COL5A3: variants seen among roughly 807,000 people sequenced by gnomAD.
COL5A3 encodes the protein collagen type V alpha 3 chain.
Under a neutral mutation model 250.0 loss-of-function variants are expected in COL5A3, and 172 were observed. The ratio of observed to expected loss-of-function variants is 0.69; its 90% CI spans 0.61 to 0.78. The LOEUF (loss-of-function observed/expected upper bound fraction) is 0.78, where lower values mean the gene tolerates loss of function less well. Ranked by LOEUF, COL5A3 falls within the 30% of genes least tolerant of loss-of-function variation. COL5A3 has a pLI of 0.00. For missense variants in COL5A3, 2,340 were observed against 2,334.4 expected (o/e 1.00, Z -0.05); for synonymous variants, 937 against 900.4 (o/e 1.04, Z -0.73).
chr19:9,991,035 G>C lies in COL5A3; in HGVS notation c.1992+575C>G, dbSNP rs528191689. On this transcript the variant is annotated intron_variant, in intron 24 of 66. Coordinates refer to ENST00000264828, the MANE Select transcript of COL5A3 (RefSeq NM_015719.4). Reference sequence around the variant, plus strand: ...AGCCCAGGAGTTCAAGACCAGCCTGGGCAACACAGGCAGACCCCATCTCTA... The same window carrying C: ...AGCCCAGGAGTTCAAGACCAGCCTGCGCAACACAGGCAGACCCCATCTCTA... Among the ~76,000 whole-genome samples the C allele has an allele frequency of 5.9e-5, 9 of 152,170 alleles. No homozygotes were observed. In the East Asian group the frequency reaches 1.5e-3, roughly 26 times the overall value.
rs376769534 is a variant in COL5A3, at chr19:9,960,480, C to T, written c.5169G>A (p.Ala1723=). The T allele has an allele frequency of 8.1e-6, 13 of 1,613,974 alleles. No homozygotes were observed. The African/African-American group carries it at 9.3e-5, about 12-fold the overall frequency. The part of the protein sequence containing the change: ...RAGFLPLWDV[A]ATDFGQTNQK... Reference sequence around the variant, plus strand: ...GGTTCGTCTGGCCAAAGTCAGTGGCCGCCACATCCCACAGGGGCAGAAATC... The same window carrying T: ...GGTTCGTCTGGCCAAAGTCAGTGGCTGCCACATCCCACAGGGGCAGAAATC... The change falls in exon 67 of 67, where the codon GCG becomes GCA. Residue 1723 remains alanine (A), a synonymous_variant. Coordinates refer to ENST00000264828, the MANE Select transcript of COL5A3 (RefSeq NM_015719.4).
At position 9,969,656 on chromosome 19, in the gene COL5A3, T is replaced by C; in HGVS notation, c.4017A>G (p.Pro1339=). 1 of 1,588,392 alleles carries C rather than the reference T, an allele frequency of 6.3e-7. No homozygotes were observed. The highest frequency in any genetic ancestry group is 1.2e-5 in the South Asian group (1 of 86,870). Residue 1339 remains proline, a synonymous_variant, in exon 56 of 67, where the codon CCA becomes CCG. Transcript: ENST00000264828. ...TAGCCCCCATTGGACCCGTCCTCCCTGGGGGCCCATCAGGACCTGGCTCCC... is the reference window on the plus strand; with the variant it reads ...TAGCCCCCATTGGACCCGTCCTCCCCGGGGGCCCATCAGGACCTGGCTCCC... ...AKGEPGPDGP[P]GRTGPMGARG...
rs182957276 is a variant in COL5A3, at chr19:10,009,058, A to G, written c.88+1240T>C. On this transcript the variant is annotated intron_variant, in intron 1 of 66. Transcript: ENST00000264828. This position sits in a 1 kb window ranked among gnomAD's most constrained non-coding sequence, Gnocchi z 4.4. ...ATTCAGAGTGGATGCCTAAGATTCCATGACCATGTGGATGTGTGAGCGTGG... is the reference window on the plus strand; with the variant it reads ...ATTCAGAGTGGATGCCTAAGATTCCGTGACCATGTGGATGTGTGAGCGTGG... Among the ~76,000 whole-genome samples the G allele has an allele frequency of 3.3e-4, 50 of 152,128 alleles. No individual in the cohort carries two copies. The highest frequency in any genetic ancestry group is 3.4e-3 in the Middle Eastern group (1 of 294).
chr19:9,995,483 C>T (rs1280215540), intron 16 of COL5A3, 81 bp downstream of exon 16: 2 of 1,301,870 alleles, frequency 1.5e-6, no homozygotes, highest in Non-Finnish European at 1.1e-6. Flanking sequence ...CACCAGCAGA[C>T]CCCAAGGTCA....
chr19:9,992,724 C>G, intron 21 of COL5A3, 103 bp downstream of exon 21: 1 of 1,174,342 alleles, frequency 8.5e-7, no homozygotes, highest in Non-Finnish European at 1.2e-6. Context: ...TTGCAGAGAG[C>G]TGAGATCTCG....
At position 9,972,968 on chromosome 19, in the gene COL5A3, G is replaced by A. The variant is rs748555285; in HGVS notation, c.3725C>T (p.Pro1242Leu). Reference sequence around the variant, plus strand: ...TCCAGGGGGACCTTTCTTGCCTGGGGGTCCAGCAGCTCCAGATGGGCCTGA... The same window carrying A: ...TCCAGGGGGACCTTTCTTGCCTGGGAGTCCAGCAGCTCCAGATGGGCCTGA... ...GDSGPSGAAG[P>L]PGKKGPPGED... The change falls in exon 51 of 67, where the codon CCC (proline) becomes CTC (leucine). Residue 1242 changes from proline (P) to leucine (L), a missense_variant. Pro to Leu is a moderately conservative substitution (Grantham distance 98). Around this residue, in one of 3 missense-constraint regions of COL5A3, gnomAD observed 1,179 missense variants for 1,162.6 expected, o/e 1.01. Transcript: ENST00000264828. 3.1e-6 allele frequency: 5 copies of A among 1,611,994 alleles called. No homozygotes were observed. Among genetic ancestry groups the A allele is most frequent in the East Asian group, 4.5e-5 (2 of 44,858 alleles).
chr19:9,980,568 C>G (rs572964722), intron 35 of COL5A3, 80 bp downstream of exon 35: 1 of 1,548,786 alleles, frequency 6.5e-7, no homozygotes, highest in Non-Finnish European at 8.7e-7. Context: ...CTCTTCATCT[C>G]TTGGGTTTGT....
chr19:9,991,474 C>T, intron 24 of COL5A3, 136 bp downstream of exon 24: 5 of 691,480 alleles, frequency 7.2e-6, no homozygotes, highest in Non-Finnish European at 9.5e-6. Context: ...CTTTGTATCT[C>T]CGGGCTGGCT....
At chr19:9,999,567 A>C (rs1425350758) in intron 8 of COL5A3, among the ~76,000 whole-genome samples, 1 of 142,542 alleles carries the variant, frequency 7.0e-6, no homozygotes, top group South Asian at 2.2e-4. Flanking sequence ...TCCCGGGTTC[A>C]CGCCATTCTG....
chr19:9,994,122 A>G (rs927538112), intron 16 of COL5A3, among the ~76,000 whole-genome samples: 2 of 152,110 alleles, frequency 1.3e-5, no homozygotes, highest in Admixed American at 1.3e-4. Flanking sequence ...CAGCCTCCCA[A>G]ACTGCTGGGA....
Position 9,970,617 on chromosome 19 carries a change from C to G in COL5A3, c.3936+5G>C, listed in dbSNP as rs943232298. ...TGAGGACCCAGGAGGTGGCTTATCA[C>G]TTACCCTCTTGCCGGGGGGCCCGGG... On this transcript the variant is annotated splice_donor_5th_base_variant and intron_variant, in intron 54 of 66. Transcript: ENST00000264828. 6.9e-7 allele frequency: 1 copy of G among 1,445,788 alleles called. No homozygotes were observed. Among genetic ancestry groups the G allele is most frequent in the Non-Finnish European group, 9.1e-7 (1 of 1,100,548 alleles). The allele number at this position is 1,445,788 out of a possible 1,614,324, so 89.6% of individuals were successfully genotyped here.
chr19:9,966,281 T>C lies in COL5A3; in HGVS notation c.4782+33A>G, dbSNP rs776637704. ...GTGGGGAGCAGGGGACAGCACTTCC[T>C]GGGGGAGGCGATGAGAGGTTTGGGT... is the stretch of plus-strand genomic sequence containing the variant. On this transcript the variant is annotated intron_variant, in intron 64 of 66. Transcript: ENST00000264828. The C allele has an allele frequency of 2.1e-5, 33 of 1,538,036 alleles. No homozygotes were observed. In the Middle Eastern group the frequency reaches 1.4e-3, roughly 63 times the overall value.
At chr19:10,001,729 G>A (rs376316268) in intron 7 of COL5A3, 39 bp downstream of exon 7, 92 of 1,611,544 alleles carry the variant, frequency 5.7e-5, no homozygotes, top group East Asian at 2.9e-4. Flanking sequence ...TGCCACCCCC[G>A]TAACCCTTGG....
chr19:10,007,698 CG>C (rs984339128), intron 1 of COL5A3, among the ~76,000 whole-genome samples: 11 of 152,068 alleles, frequency 7.2e-5, no homozygotes, highest in African/African-American at 1.4e-4. Context: ...GGAGCTGGGG[CG>C]GGGGGGCTAA....
At chr19:9,991,889 T>C (rs1364010383) in intron 22 of COL5A3, 48 bp from the exon 23 acceptor site, 3 of 1,594,736 alleles carry the variant, frequency 1.9e-6, no homozygotes, top group Admixed American at 3.4e-5. Flanking sequence ...GTCATGGTGT[T>C]GGGGCGTTAG....
intron 27 of COL5A3, 70 bp downstream of exon 27, chr19:9,989,054 T>C (rs1046899238): frequency 2.0e-6 from 3 of 1,510,212 alleles, no homozygotes; most frequent in Non-Finnish European, 2.8e-6. Flanking sequence ...CAGAAGTTTC[T>C]GATGGAGCTG....
Position 9,990,649 on chromosome 19 carries a change from G to A in COL5A3, c.1992+961C>T, listed in dbSNP as rs375072939. Among the ~76,000 whole-genome samples, 17 of 151,574 alleles carry A rather than the reference G, an allele frequency of 1.1e-4. 1 individual carries two copies. Among genetic ancestry groups the A allele is most frequent in the Admixed American group, 8.5e-4 (13 of 15,206 alleles). Reference sequence around the variant, plus strand: ...AAGATCTCGGCTCACTGCAAGCTCCGCCTCCCAGGTTCATGCCATTCTCCT... The same window carrying A: ...AAGATCTCGGCTCACTGCAAGCTCCACCTCCCAGGTTCATGCCATTCTCCT... On this transcript the variant is annotated intron_variant, in intron 24 of 66. Transcript: ENST00000264828.
chr19:9,976,411 T>C (rs1321881746), intron 45 of COL5A3, 147 bp downstream of exon 45: 16 of 587,208 alleles, frequency 2.7e-5, no homozygotes, highest in East Asian at 6.7e-5. Context: ...GATTCTTGGA[T>C]TGAGTTCACA....
chr19:10,004,483 A>C (rs1364245440), intron 4 of COL5A3, among the ~76,000 whole-genome samples: 1 of 152,206 alleles, frequency 6.6e-6, no homozygotes, highest in African/African-American at 2.4e-5. Context: ...GGCGTGTGCC[A>C]CCACGCCCAG....
Sources: gnomAD v4.1 joint callset for allele counts (sites outside exome capture counted in the v4.1 genomes callset) on GRCh38, gnomAD v4.1.1 for gene constraint, gnomAD v4.1.1 regional missense constraint, Gnocchi (gnomAD v3.1) non-coding constraint, MANE v1.5 for transcripts, NCBI Gene and HGNC (gene_info 2026-07-23, HGNC 2026-07-21) for gene names.